The following GPHN variants were observed in gnomAD, a reference collection of about 807,000 sequenced individuals.
The protein encoded by GPHN is gephyrin.
GPHN carries 17 observed loss-of-function variants against 95.5 expected under a neutral mutation model. The observed-to-expected ratio is 0.18, with a 90% confidence interval of 0.12 to 0.27. The LOEUF is 0.27. Ranked by LOEUF, GPHN falls within the 10% of genes least tolerant of loss-of-function variation. The probability of loss-of-function intolerance (pLI) is 1.00; values close to 1 mark genes in which losing one functional copy is unlikely to be tolerated. For synonymous variants in GPHN, 320 were observed against 322.5 expected (o/e 0.99, Z 0.08); for missense variants, 660 against 978.1 (o/e 0.67, Z 4.34).
At chr14:67,735,296 T>C in the GPHN span, 2 of 867,326 alleles carry the variant, frequency 2.3e-6, no homozygotes, top group Non-Finnish European at 4.0e-6. Context: ...AGGCTACATC[T>C]CACCTCTCTG....
At chr14:66,776,905 A>G (rs1228493409) in intron 3 of GPHN, among the ~76,000 whole-genome samples, 1 of 151,964 alleles carries the variant, frequency 6.6e-6, no homozygotes, top group Non-Finnish European at 1.5e-5. Flanking sequence ...TTATTATTAT[A>G]CTTTAAGTTT....
intron 19 of GPHN, among the ~76,000 whole-genome samples, chr14:67,161,368 A>G (rs1455616893): frequency 6.6e-6 from 1 of 152,060 alleles, no homozygotes; most frequent in East Asian, 1.9e-4. Flanking sequence ...GCTATTGGGT[A>G]TAACTGCTTT....
chr14:67,559,783 C>T, the GPHN span: 2 of 760,484 alleles, frequency 2.6e-6, no homozygotes, highest in Non-Finnish European at 4.6e-6. Context: ...GTCTAGGGTG[C>T]CTCGGCTGAC....
the GPHN span, chr14:67,392,616 C>T: frequency 1.3e-6 from 2 of 1,554,370 alleles, no homozygotes; most frequent in Middle Eastern, 1.7e-4. Context: ...TTGTGTCTTC[C>T]TTAACTTTTG....
At chr14:67,701,710 C>T in the GPHN span, among the ~76,000 whole-genome samples, 2 of 152,146 alleles carry the variant, frequency 1.3e-5, no homozygotes, top group Non-Finnish European at 2.9e-5. Context: ...GCATGAGTCA[C>T]CACGCCAGGC....
Position 66,626,166 on chromosome 14 carries a change from A to G in GPHN, c.65-54941A>G, listed in dbSNP as rs531953066. On this transcript the variant is annotated intron_variant, in intron 1 of 22. Transcript: ENST00000478722. ...ATAAGGTGCTTCTCCTCTACCATCT[A>G]TTATGCTTAGATAATTATAGAGAAC... is the stretch of plus-strand genomic sequence containing the variant. Among the ~76,000 whole-genome samples, 30 of 152,288 alleles carry G rather than the reference A, an allele frequency of 2.0e-4. 1 individual carries two copies. The highest frequency in any genetic ancestry group is 1.0e-3 in the South Asian group (5 of 4,830).
the GPHN span, among the ~76,000 whole-genome samples, chr14:67,604,661 T>C: frequency 6.6e-6 from 1 of 152,160 alleles, no homozygotes; most frequent in African/African-American, 2.4e-5. Context: ...AAAGCTGTGA[T>C]CAAGCCACTG....
chr14:67,352,486 G>A, the GPHN span, among the ~76,000 whole-genome samples: 3 of 151,900 alleles, frequency 2.0e-5, no homozygotes, highest in Non-Finnish European at 4.4e-5. Context: ...GGTAGTACAT[G>A]CTACAATAAA....
At chr14:67,112,070 C>T (rs1445283030) in intron 15 of GPHN, 151 bp downstream of exon 15, 1 of 704,474 alleles carries the variant, frequency 1.4e-6, no homozygotes, top group African/African-American at 1.8e-5. Flanking sequence ...GTTATGAATT[C>T]TGTATCACAT....
At chr14:66,743,706 C>T (rs1253629748) in intron 2 of GPHN, among the ~76,000 whole-genome samples, 1 of 152,198 alleles carries the variant, frequency 6.6e-6, no homozygotes, top group African/African-American at 2.4e-5. Flanking sequence ...CGCGCCACTG[C>T]ACTCCAGCCT....
chr14:67,331,380 T>C, the GPHN span, among the ~76,000 whole-genome samples: 3 of 152,058 alleles, frequency 2.0e-5, no homozygotes, highest in Non-Finnish European at 2.9e-5. Context: ...TACTCAATGA[T>C]AGAAGTGCTG....
intron 10 of GPHN, among the ~76,000 whole-genome samples, chr14:67,047,711 A>T (rs2075103797): frequency 6.6e-6 from 1 of 151,792 alleles, no homozygotes. Context: ...AAGGCCGGTC[A>T]TGGTGGCTCA....
chr14:67,596,450 T>C, the GPHN span, among the ~76,000 whole-genome samples: 14 of 151,894 alleles, frequency 9.2e-5, no homozygotes, highest in African/African-American at 3.1e-4. Context: ...AAAGCTATGA[T>C]TTAGAAGACT....
chr14:67,486,516 A>AC, the GPHN span, among the ~76,000 whole-genome samples: 53 of 152,114 alleles, frequency 3.5e-4, no homozygotes, highest in African/African-American at 1.3e-3. Context: ...CTTGCGATCC[A>AC]CCCACCTCGG....
At chr14:67,683,668 GGAT>G in the GPHN span, among the ~76,000 whole-genome samples, 1 of 152,190 alleles carries the variant, frequency 6.6e-6, no homozygotes, top group Non-Finnish European at 1.5e-5. Flanking sequence ...CCTAGAGAAT[GGAT>G]GATAAGCAAT....
At chr14:66,572,315 C>A (rs780278804) in intron 1 of GPHN, among the ~76,000 whole-genome samples, 1 of 152,282 alleles carries the variant, frequency 6.6e-6, no homozygotes, top group East Asian at 1.9e-4. Context: ...ACAGTGGTTA[C>A]GTTGAATCTG....
At chr14:67,317,292 G>A in the GPHN span, 33 of 918,298 alleles carry the variant, frequency 3.6e-5, no homozygotes, top group Middle Eastern at 9.6e-4. Flanking sequence ...TGGAGATCTC[G>A]TTTCTGCAAA....
At chr14:67,301,745 A>G in the GPHN span, among the ~76,000 whole-genome samples, 1 of 152,138 alleles carries the variant, frequency 6.6e-6, no homozygotes, top group Non-Finnish European at 1.5e-5. Context: ...GGGTGTGTAG[A>G]CCTTTACATT....
At position 67,113,011 on chromosome 14, in the gene GPHN, C is replaced by A. The variant is rs377262106; in HGVS notation, c.1473-7C>A. 21 of 1,613,114 alleles carry A rather than the reference C, an allele frequency of 1.3e-5. No individual in the cohort carries two copies. The highest frequency in any genetic ancestry group is 1.7e-5 in the Non-Finnish European group (20 of 1,179,168). ...CACACTGCTTATGGTTCTGCTTTGACTTTCAGACCCATCGGCCATGACATT... is the reference window on the plus strand; with the variant it reads ...CACACTGCTTATGGTTCTGCTTTGAATTTCAGACCCATCGGCCATGACATT... On this transcript the variant is annotated splice_region_variant and splice_polypyrimidine_tract_variant and intron_variant, in intron 15 of 22. Transcript: ENST00000478722.
Sources: allele counts gnomAD v4.1 joint callset (sites outside exome capture counted in the v4.1 genomes callset), GRCh38; gene constraint gnomAD v4.1.1; transcripts MANE v1.5; gene names NCBI Gene and HGNC (gene_info 2026-07-23, HGNC 2026-07-21).